The following TRAPPC9 variants were observed in gnomAD, a reference collection of about 807,000 sequenced individuals.
TRAPPC9 encodes the protein trafficking protein particle complex subunit 9, also known as IKK2 binding protein.
In TRAPPC9, 83 loss-of-function variants were observed where a neutral mutation model predicts 124.0. That is an observed-to-expected ratio of 0.67 (90% confidence interval 0.56 to 0.80). TRAPPC9 has a LOEUF of 0.80. Among genes scored for constraint, TRAPPC9 ranks in the 30% least tolerant of loss-of-function variants. TRAPPC9 has a pLI of 0.00. For missense variants in TRAPPC9, 1,302 were observed against 1,508.3 expected (o/e 0.86, Z 2.27); for synonymous variants, 638 against 617.5 (o/e 1.03, Z -0.49).
intron 15 of TRAPPC9, among the ~76,000 whole-genome samples, chr8:140,253,330 T>C (rs773094889): frequency 2.0e-5 from 3 of 152,142 alleles, no homozygotes; most frequent in South Asian, 2.1e-4. Flanking sequence ...CCAAGTGTAG[T>C]AGGGAAAGTG....
rs114993976 is a variant in TRAPPC9, at chr8:139,929,723, C to T, written c.2811-19423G>A. On this transcript the variant is annotated intron_variant, in intron 19 of 22. Coordinates refer to ENST00000438773, the MANE Select transcript of TRAPPC9 (RefSeq NM_001160372.4). ...CTTCAGGAACCATGGTGCCATGCAC[C>T]CGACACATAGGTGTGTGGGGAGTGG... 3.8e-3 allele frequency among the ~76,000 whole-genome samples: 573 copies of T among 152,362 alleles called. 5 individuals are homozygous for T. The highest frequency in any genetic ancestry group is 0.013 in the African/African-American group (553 of 41,592).
chr8:140,429,833 T>C (rs1044238747), intron 4 of TRAPPC9, among the ~76,000 whole-genome samples: 3 of 150,738 alleles, frequency 2.0e-5, no homozygotes, highest in Non-Finnish European at 2.9e-5. Flanking sequence ...AAAATGTGTG[T>C]AGCACATTTT....
chr8:139,874,809 G>A (rs1307173588), intron 21 of TRAPPC9, among the ~76,000 whole-genome samples: 4 of 152,196 alleles, frequency 2.6e-5, no homozygotes, highest in African/African-American at 4.8e-5. Flanking sequence ...CCAGGTAGGA[G>A]AACAACAAGC....
intron 17 of TRAPPC9, among the ~76,000 whole-genome samples, chr8:140,092,965 T>C (rs1417429581): frequency 6.6e-6 from 1 of 151,902 alleles, no homozygotes; most frequent in South Asian, 2.1e-4. Flanking sequence ...AAGATTATTA[T>C]GAAATCAAAT....
At chr8:139,940,806 G>T (rs1017402867) in intron 19 of TRAPPC9, among the ~76,000 whole-genome samples, 7 of 152,250 alleles carry the variant, frequency 4.6e-5, no homozygotes, top group Admixed American at 6.5e-5. Context: ...CCACAGCAGA[G>T]GTGGCTGGAA....
In TRAPPC9 at chr8:140,048,357, G is replaced by A. The variant is rs145268120; in HGVS notation, c.2557-24278C>T. Among the ~76,000 whole-genome samples, 14 of 152,272 alleles carry A rather than the reference G, an allele frequency of 9.2e-5. 1 individual carries two copies. In the East Asian group the frequency reaches 2.5e-3, roughly 27 times the overall value. The stretch of plus-strand genomic sequence containing the variant: ...CAGATGGCATAAAGACAATCTTACT[G>A]GAAGCTCTGGAAGAAACAAATACTA... On this transcript the variant is annotated intron_variant, in intron 17 of 22. Coordinates refer to ENST00000438773, the MANE Select transcript of TRAPPC9 (RefSeq NM_001160372.4).
intron 21 of TRAPPC9, among the ~76,000 whole-genome samples, chr8:139,832,834 T>C (rs756320270): frequency 2.0e-5 from 3 of 152,070 alleles, no homozygotes; most frequent in Non-Finnish European, 4.4e-5. Flanking sequence ...GTCCTCCCCA[T>C]GAGGGTGTGG....
At chr8:140,249,689 C>T (rs559645166) in intron 16 of TRAPPC9, among the ~76,000 whole-genome samples, 214 of 150,492 alleles carry the variant, frequency 1.4e-3, no homozygotes, top group African/African-American at 4.8e-3. Flanking sequence ...CTGCAAGCTC[C>T]GCCTCCCGGG....
intron 15 of TRAPPC9, among the ~76,000 whole-genome samples, chr8:140,270,376 GCTCCCATCAGC>G (rs2064839826): frequency 1.3e-5 from 2 of 152,206 alleles, no homozygotes; most frequent in African/African-American, 4.8e-5. Flanking sequence ...AGAAAGGCAT[GCTCCCATCAGC>G]CTCATTCTCG....
At chr8:139,771,642 A>G (rs57324601) in intron 21 of TRAPPC9, among the ~76,000 whole-genome samples, 12,832 of 152,242 alleles carry the variant, frequency 0.084, 545 homozygotes, top group Middle Eastern at 0.1. Flanking sequence ...CACAGAGGGG[A>G]GTGGCAGCAG....
At chr8:140,401,564 A>AT (rs1202947573) in intron 6 of TRAPPC9, among the ~76,000 whole-genome samples, 1 of 152,186 alleles carries the variant, frequency 6.6e-6, no homozygotes, top group Non-Finnish European at 1.5e-5. Context: ...TTTCCCACAT[A>AT]TTTTTGGTTA....
intron 17 of TRAPPC9, chr8:140,040,411 T>C: frequency 6.6e-6 from 1 of 152,268 alleles, no homozygotes. Flanking sequence ...GTGCTCCTAT[T>C]TTAGACGGAG....
intron 19 of TRAPPC9, among the ~76,000 whole-genome samples, chr8:139,912,277 T>C (rs1831788940): frequency 6.6e-6 from 1 of 152,206 alleles, no homozygotes; most frequent in Non-Finnish European, 1.5e-5. Context: ...ACATACATAG[T>C]TTGAAGTCTT....
At chr8:140,209,116 G>A (rs2062995866) in intron 17 of TRAPPC9, among the ~76,000 whole-genome samples, 1 of 152,152 alleles carries the variant, frequency 6.6e-6, no homozygotes, top group Admixed American at 6.5e-5. Flanking sequence ...GGGCCCCGTG[G>A]ACACACTCTG....
intron 17 of TRAPPC9, among the ~76,000 whole-genome samples, chr8:140,024,430 A>T (rs1220234352): frequency 1.3e-4 from 20 of 148,632 alleles, no homozygotes; most frequent in African/African-American, 5.0e-4. Flanking sequence ...ATGGAGTCTT[A>T]CTCTGTCGCC....
At chr8:140,139,374 A>G (rs544943604) in intron 17 of TRAPPC9, among the ~76,000 whole-genome samples, 2 of 152,304 alleles carry the variant, frequency 1.3e-5, no homozygotes, top group African/African-American at 4.8e-5. Flanking sequence ...CGGTGCTCAC[A>G]GGAATGTTCT....
chr8:140,307,659 T>C (rs76485211), intron 10 of TRAPPC9, among the ~76,000 whole-genome samples: 3,820 of 152,286 alleles, frequency 0.025, 150 homozygotes, highest in African/African-American at 0.086. Flanking sequence ...TAAATATTTA[T>C]TTTCTCAGCC....
At chr8:140,071,835 A>G (rs1843172291) in intron 17 of TRAPPC9, among the ~76,000 whole-genome samples, 1 of 152,196 alleles carries the variant, frequency 6.6e-6, no homozygotes, top group Non-Finnish European at 1.5e-5. Context: ...TGAAACACAC[A>G]CACTGCGTAT....
intron 21 of TRAPPC9, among the ~76,000 whole-genome samples, chr8:139,735,005 C>A (rs570941194): frequency 2.0e-5 from 3 of 152,354 alleles, no homozygotes; most frequent in African/African-American, 7.2e-5. Flanking sequence ...CTGGGATAAA[C>A]CTGGGGGTCC....
Sources: gnomAD v4.1 joint callset for allele counts (sites outside exome capture counted in the v4.1 genomes callset) on GRCh38, gnomAD v4.1.1 for gene constraint, MANE v1.5 for transcripts, NCBI Gene and HGNC (gene_info 2026-07-23, HGNC 2026-07-21) for gene names.